The following USP9X variants were observed in gnomAD, a reference collection of about 807,000 sequenced individuals.
USP9X encodes the protein ubiquitin specific peptidase 9 X-linked.
USP9X carries 7 observed loss-of-function variants against 190.3 expected under a neutral mutation model. That is an observed-to-expected ratio of 0.04 (90% CI 0.02 to 0.07). The LOEUF (loss-of-function observed/expected upper bound fraction) is 0.07, where lower values mean the gene tolerates loss of function less well. Ranked by LOEUF, USP9X falls within the 10% of genes least tolerant of loss-of-function variation. The pLI, the probability that USP9X is intolerant of heterozygous loss-of-function variation, is 1.00. For synonymous variants in USP9X, 645 were observed against 659.5 expected (o/e 0.98, Z 0.34); for missense variants, 1,010 against 1,916.9 (o/e 0.53, Z 8.83).
intron 32 of USP9X, among the ~76,000 whole-genome samples, chrX:41,210,282 G>T (rs1032815981): frequency 9.0e-6 from 1 of 111,668 alleles, no homozygotes; most frequent in Non-Finnish European, 1.9e-5. Flanking sequence ...GTTCTTTGCC[G>T]CTAGAGTACT....
chrX:41,178,310 A>G (rs1314295940), intron 21 of USP9X, among the ~76,000 whole-genome samples: 1 of 108,586 alleles, frequency 9.2e-6, no homozygotes, highest in Non-Finnish European at 1.9e-5. Flanking sequence ...CATGTTGGCC[A>G]GGCTGGTCTC....
At position 41,166,222 on chromosome X, in the gene USP9X, A is replaced by G. The variant is rs755941800; in HGVS notation, c.2328+8A>G. 8 of 1,121,906 alleles carry G rather than the reference A, an allele frequency of 7.1e-6. No homozygotes were observed. The highest frequency in any genetic ancestry group is 8.4e-6 in the Non-Finnish European group (7 of 835,776). The allele number at this position is 1,121,906 out of a possible 1,213,427, so 92.5% of individuals were successfully genotyped here. ...TTAGATTACCTTTGGAGGGTAAGTC[A>G]AAAGTAGGAACTCTGTAAATGGTGT... On this transcript the variant is annotated splice_region_variant and intron_variant, in intron 16 of 44. Coordinates refer to ENST00000378308, the MANE Select transcript of USP9X (RefSeq NM_001039591.3).
At chrX:41,130,770 G>C (rs2062305587) in intron 3 of USP9X, among the ~76,000 whole-genome samples, 1 of 106,979 alleles carries the variant, frequency 9.3e-6, no homozygotes, top group Non-Finnish European at 1.9e-5. Context: ...CTGTTGCCCA[G>C]GCTGTAGTGC....
intron 1 of USP9X, among the ~76,000 whole-genome samples, chrX:41,090,722 T>C (rs145180937): frequency 8.9e-6 from 1 of 111,734 alleles, no homozygotes; most frequent in Non-Finnish European, 1.9e-5. Context: ...TTGCATGTCA[T>C]GTGTTCCACC....
intron 6 of USP9X, among the ~76,000 whole-genome samples, chrX:41,140,153 C>T (rs2062409661): frequency 8.9e-6 from 1 of 111,750 alleles, no homozygotes; most frequent in African/African-American, 3.3e-5. Context: ...ACAGTAGATA[C>T]TAGTACCAGA....
chrX:41,217,129 A>C, intron 35 of USP9X, 91 bp from the exon 36 acceptor site: 2 of 1,013,591 alleles, frequency 2.0e-6, no homozygotes, highest in Non-Finnish European at 1.3e-6. Context: ...TAACAAATTT[A>C]GGACTTCTCA....
chrX:41,213,554 A>G (rs1351726155), intron 33 of USP9X, among the ~76,000 whole-genome samples: 1 of 112,025 alleles, frequency 8.9e-6, no homozygotes, highest in African/African-American at 3.2e-5. Context: ...GGCTGTAGCC[A>G]TTTCATAAGC....
chrX:41,120,924 C>T (rs191760707), intron 1 of USP9X, among the ~76,000 whole-genome samples: 1 of 107,233 alleles, frequency 9.3e-6, no homozygotes, highest in Non-Finnish European at 1.9e-5. Flanking sequence ...CTGCTACCTC[C>T]GCTTCCTGGG....
At chrX:41,229,229 AT>A in intron 41 of USP9X, 23 bp from the exon 42 acceptor site, 1 of 1,138,631 alleles carries the variant, frequency 8.8e-7, no homozygotes, top group Non-Finnish European at 1.2e-6. Flanking sequence ...AGATGTTTTT[AT>A]TTTATATCTG....
intron 36 of USP9X, 79 bp from the exon 37 acceptor site, chrX:41,218,293 G>C: frequency 2.2e-6 from 2 of 915,908 alleles, no homozygotes; most frequent in Non-Finnish European, 3.0e-6. Flanking sequence ...TTTTTTTTTT[G>C]GTTCAATGAG....
chrX:41,199,846 A>G (rs1244565193), intron 30 of USP9X, among the ~76,000 whole-genome samples: 1 of 111,934 alleles, frequency 8.9e-6, no homozygotes, highest in Non-Finnish European at 1.9e-5. Flanking sequence ...GTGAGAAGTT[A>G]CCATTTTGGT....
chrX:41,213,560 T>C (rs2063184820), intron 33 of USP9X, among the ~76,000 whole-genome samples: 1 of 112,136 alleles, frequency 8.9e-6, no homozygotes. Context: ...AGCCATTTCA[T>C]AAGCAAAGAG....
Position 41,205,510 on chromosome X carries a change from C to G in USP9X, c.5015+17C>G, listed in dbSNP as rs1025664184. ...ACAGTTCAGGTAAACTATGGATGGA[C>G]AGTAATAGAGATACTTCTTAAAATG... On this transcript the variant is annotated intron_variant, in intron 32 of 44. Transcript: ENST00000378308. 15 of 1,178,203 alleles carry G rather than the reference C, an allele frequency of 1.3e-5. No individual in the cohort carries two copies. The Admixed American group carries it at 3.0e-4, about 23-fold the overall frequency.
intron 26 of USP9X, among the ~76,000 whole-genome samples, chrX:41,193,791 AAAC>A (rs936425969): frequency 9.0e-6 from 1 of 111,643 alleles, no homozygotes; most frequent in Non-Finnish European, 1.9e-5. Context: ...TGATGCCACT[AAAC>A]AGCCTGGGTG....
At chrX:41,095,422 C>G (rs1002376973) in intron 1 of USP9X, among the ~76,000 whole-genome samples, 1 of 112,198 alleles carries the variant, frequency 8.9e-6, no homozygotes, top group Non-Finnish European at 1.9e-5. Flanking sequence ...GAGGTGCTGT[C>G]CTACTCAGCC....
In USP9X at chrX:41,100,979, G is replaced by A. The variant is rs183284590; in HGVS notation, c.-159+14870G>A. On this transcript the variant is annotated intron_variant, in intron 1 of 44. Coordinates refer to ENST00000378308, the MANE Select transcript of USP9X (RefSeq NM_001039591.3). ...ATCATCCCTTGCTTTTAGCTGTTCT[G>A]CTTCTAATTTTATATGTGATATTCT... Among the ~76,000 whole-genome samples the A allele has an allele frequency of 9.1e-4, 101 of 111,203 alleles. 1 individual carries two copies. In the Middle Eastern group the frequency reaches 0.028, roughly 30 times the overall value.
chrX:41,145,260 A>G (rs755457586), intron 11 of USP9X, among the ~76,000 whole-genome samples: 12 of 111,843 alleles, frequency 1.1e-4, no homozygotes, highest in Non-Finnish European at 1.5e-4. Context: ...TAATAATTAT[A>G]CTGACCAGTG....
At chrX:41,088,229 C>G (rs1169495214) in intron 1 of USP9X, among the ~76,000 whole-genome samples, 2 of 112,019 alleles carry the variant, frequency 1.8e-5, no homozygotes, top group Non-Finnish European at 3.8e-5. Flanking sequence ...GTGATCCGCC[C>G]GTGTCGACCT....
At chrX:41,197,271 C>A in intron 28 of USP9X, 93 bp from the exon 29 acceptor site, 1 of 596,273 alleles carries the variant, frequency 1.7e-6, no homozygotes. Flanking sequence ...CCAGCTCTGT[C>A]TCGTTCTGGC....
Sources: allele counts gnomAD v4.1 joint callset (sites outside exome capture counted in the v4.1 genomes callset), GRCh38; gene constraint gnomAD v4.1.1; transcripts MANE v1.5; gene names NCBI Gene and HGNC (gene_info 2026-07-23, HGNC 2026-07-21).